The following KANSL1 variants were observed in gnomAD, a reference collection of about 807,000 sequenced individuals.
KANSL1 encodes KAT8 regulatory NSL complex subunit 1.
A neutral mutation model predicts 103.6 loss-of-function variants in KANSL1; 22 were observed. The observed-to-expected ratio is 0.21, with a 90% CI of 0.15 to 0.30. The LOEUF (loss-of-function observed/expected upper bound fraction) is 0.30. KANSL1 is among the 10% of genes least tolerant of loss of function. KANSL1 has a pLI of 1.00. For synonymous variants in KANSL1, 600 were observed against 527.6 expected (o/e 1.14, Z -1.88); for missense variants, 1,337 against 1,399.8 (o/e 0.96, Z 0.72).
At chr17:46,075,394 T>G (rs62060837) in intron 4 of KANSL1, among the ~76,000 whole-genome samples, 21,711 of 152,154 alleles carry the variant, frequency 0.14, 2,099 homozygotes, top group Non-Finnish European at 0.22. Flanking sequence ...TGGAATGCAG[T>G]GGCACAATCT....
intron 2 of KANSL1, among the ~76,000 whole-genome samples, chr17:46,122,615 T>TA (rs1351337761): frequency 1.6e-4 from 25 of 151,766 alleles, no homozygotes; most frequent in South Asian, 4.2e-4. Flanking sequence ...GATGCTGTTT[T>TA]AAAAAAAAAC....
chr17:46,172,145 C>G lies in KANSL1; in HGVS notation c.-2G>C. 6.2e-7 allele frequency: 1 copy of G among 1,602,042 alleles called. No individual in the cohort carries two copies. Among genetic ancestry groups the G allele is most frequent in the Non-Finnish European group, 8.5e-7 (1 of 1,179,654 alleles). On this transcript the variant is annotated 5_prime_UTR_variant, in exon 2 of 15. Transcript: ENST00000432791. ...GAGAGCGGGCGCCATCGCAGCCATT[C>G]AGCACAGAGAGACAGGAAGTCCAGC...
intron 1 of KANSL1, among the ~76,000 whole-genome samples, chr17:46,178,454 C>T (rs1304949788): frequency 6.6e-6 from 1 of 152,174 alleles, no homozygotes; most frequent in East Asian, 1.9e-4. Flanking sequence ...AATTCAAGCC[C>T]CAAATATCCC....
chr17:46,084,697 T>TAAAAAAAAAAAAAA (rs67108405), intron 3 of KANSL1, among the ~76,000 whole-genome samples: 3 of 74,488 alleles, frequency 4.0e-5, no homozygotes, highest in African/African-American at 1.1e-4. Context: ...TTTTAAAAAT[T>TAAAAAAAAAAAAAA]AAAAAAAAAA....
intron 2 of KANSL1, among the ~76,000 whole-genome samples, chr17:46,168,070 G>A (rs890772381): frequency 3.3e-5 from 5 of 152,164 alleles, no homozygotes; most frequent in African/African-American, 1.2e-4. Flanking sequence ...AGGGTGGGGG[G>A]AGCCAAAATT....
intron 2 of KANSL1, among the ~76,000 whole-genome samples, chr17:46,108,002 T>C (rs1206941967): frequency 6.6e-6 from 1 of 152,226 alleles, no homozygotes; most frequent in African/African-American, 2.4e-5. Context: ...TGAATCTTTC[T>C]AGATGAGTCC....
intron 2 of KANSL1, among the ~76,000 whole-genome samples, chr17:46,122,118 A>G (rs1043764441): frequency 1.3e-5 from 2 of 152,208 alleles, no homozygotes; most frequent in African/African-American, 4.8e-5. Flanking sequence ...AGGTTCCTAA[A>G]GGTGACATAC....
chr17:46,032,171 G>C lies in KANSL1; in HGVS notation c.2966C>G (p.Pro989Arg). The change falls in exon 14 of 15, where the codon CCT (proline) becomes CGT (arginine). Residue 989 changes from proline (P) to arginine (R), a missense_variant. Physicochemically the swap from Pro to Arg is moderately radical, Grantham distance 103. This residue lies in a region of KANSL1 where 780 missense variants were observed against 923.4 expected (regional missense o/e 0.84). Transcript: ENST00000432791. Reference sequence around the variant, plus strand: ...CAGTTCCGGGCTAATGGGGCTCCTAGGGGACTGACCATGGGAGTATTCTGA... The same window carrying C: ...CAGTTCCGGGCTAATGGGGCTCCTACGGGACTGACCATGGGAGTATTCTGA... ...SLSEYSHGQS[P>R]RSPISPELHS... The C allele has an allele frequency of 6.2e-6, 10 of 1,613,614 alleles. No individual in the cohort carries two copies. The highest frequency in any genetic ancestry group is 7.6e-6 in the Non-Finnish European group (9 of 1,179,710).
intron 2 of KANSL1, among the ~76,000 whole-genome samples, chr17:46,147,817 A>C (rs2044811223): frequency 6.6e-6 from 1 of 152,234 alleles, no homozygotes. Context: ...ATTTTCTCGA[A>C]GTTTGGTACA....
rs2048079646 is a variant in KANSL1, at chr17:46,209,175, ACT to A, written c.-90+14494_-90+14495del. On this transcript the variant is annotated intron_variant, in intron 1 of 14. Coordinates refer to the KANSL1 transcript ENST00000572904. ...CTCCAGCCTGAGTGACAAGAGCAAA[ACT>A]CCATCTCAAAAAAAAAAGAAAATGC... is the stretch of plus-strand genomic sequence containing the variant. Among the ~76,000 whole-genome samples the A allele has an allele frequency of 1.4e-4, 22 of 151,938 alleles. No individual in the cohort carries two copies. In the South Asian group the frequency reaches 4.6e-3, roughly 32 times the overall value.
chr17:46,168,341 T>C (rs778423322), intron 2 of KANSL1, among the ~76,000 whole-genome samples: 35 of 152,122 alleles, frequency 2.3e-4, no homozygotes, highest in Non-Finnish European at 4.0e-4. Flanking sequence ...GTGGTTTTAG[T>C]TTAAATACAA....
At chr17:46,210,494 A>AG (rs1567806831) in intron 1 of KANSL1, among the ~76,000 whole-genome samples, 2 of 5,954 alleles carry the variant, frequency 3.4e-4, no homozygotes, top group Non-Finnish European at 5.5e-4. Flanking sequence ...AAAAAAAAAA[A>AG]AAAAAAAAGA....
At chr17:46,214,096 G>A (rs1293408652) in intron 1 of KANSL1, among the ~76,000 whole-genome samples, 1 of 152,182 alleles carries the variant, frequency 6.6e-6, no homozygotes, top group Non-Finnish European at 1.5e-5. Context: ...CAGCAAACTA[G>A]TTCTCTTTTT....
Position 46,067,649 on chromosome 17 carries a change from G to C in KANSL1, c.1552C>G (p.Pro518Ala). The C allele has an allele frequency of 6.4e-7, 1 of 1,573,416 alleles. No homozygotes were observed. The highest frequency in any genetic ancestry group is 8.7e-7 in the Non-Finnish European group (1 of 1,143,050). Reference protein sequence around the residue: ...TDKLIESVSQPLENHGAPIIG... With the variant: ...TDKLIESVSQALENHGAPIIG... The stretch of plus-strand genomic sequence containing the variant: ...ATAGGGGCACCATGGTTTTCCAATG[G>C]CTGAGAAACAGACTCAATCTGATTA... Residue 518 changes from proline to alanine, a missense_variant, in exon 5 of 15, where the codon CCA becomes GCA. Physicochemically the swap from Pro to Ala is conservative, Grantham distance 27. Coordinates refer to ENST00000432791, the MANE Select transcript of KANSL1 (RefSeq NM_015443.4).
Position 46,170,667 on chromosome 17 carries a change from A to G in KANSL1, c.1289+188T>C, listed in dbSNP as rs1430923768. The stretch of plus-strand genomic sequence containing the variant: ...ATTTAGACTACAACAATACAACCCT[A>G]CAGCAAAAGTATCTTCCCCTTCTTC... On this transcript the variant is annotated intron_variant, in intron 2 of 14. Transcript: ENST00000432791. 6.1e-6 allele frequency: 4 copies of G among 659,048 alleles called. No individual in the cohort carries two copies. In the African/African-American group the frequency reaches 7.4e-5, roughly 12 times the overall value. 40.8% of individuals were successfully genotyped at this position (659,048 alleles called of 1,614,324 possible). A position where few individuals can be genotyped will look rare whatever the true frequency, so the allele number is the denominator to read the frequency against.
chr17:46,131,142 T>C (rs905587366), intron 2 of KANSL1, among the ~76,000 whole-genome samples: 4 of 152,240 alleles, frequency 2.6e-5, no homozygotes, highest in African/African-American at 7.2e-5. Context: ...AAATTCTATC[T>C]ATGATCAAGG....
chr17:46,151,505 C>A (rs2045101591), intron 2 of KANSL1, among the ~76,000 whole-genome samples: 1 of 152,190 alleles, frequency 6.6e-6, no homozygotes, highest in Admixed American at 6.5e-5. Flanking sequence ...AGGCTCTTTC[C>A]TTTTTATATC....
In KANSL1 at chr17:46,117,854, CAAATAAATACA is replaced by C. The variant is rs975589231; in HGVS notation, c.1290-23164_1290-23154del. On this transcript the variant is annotated intron_variant, in intron 2 of 14. Coordinates refer to ENST00000432791, the MANE Select transcript of KANSL1 (RefSeq NM_015443.4). ...CAGATTTCTTTATATAAAAAAGTGA[CAAATAAATACA>C]AAAGAAATACACTACTAAATCAACC... Among the ~76,000 whole-genome samples, 32 of 152,218 alleles carry C rather than the reference CAAATAAATACA, an allele frequency of 2.1e-4. 1 individual carries two copies. The highest frequency in any genetic ancestry group is 6.3e-4 in the African/African-American group (26 of 41,532).
At chr17:46,141,814 G>A (rs1435676422) in intron 2 of KANSL1, among the ~76,000 whole-genome samples, 1 of 152,240 alleles carries the variant, frequency 6.6e-6, no homozygotes, top group Non-Finnish European at 1.5e-5. Context: ...TTTTCGGAAA[G>A]AGGGTTAGAG....
Sources: gnomAD v4.1 joint callset for allele counts (sites outside exome capture counted in the v4.1 genomes callset) on GRCh38, gnomAD v4.1.1 for gene constraint, gnomAD v4.1.1 regional missense constraint, MANE v1.5 for transcripts, NCBI Gene and HGNC (gene_info 2026-07-23, HGNC 2026-07-21) for gene names.